Variants in CLOCK observed in about 807,000 individuals in gnomAD.
CLOCK encodes circadian locomoter output cycles protein kaput.
In CLOCK, 43 loss-of-function variants were observed where a neutral mutation model predicts 118.4. The observed-to-expected ratio is 0.36, with a 90% CI of 0.28 to 0.47. The LOEUF (loss-of-function observed/expected upper bound fraction) is 0.47, where lower values mean the gene tolerates loss of function less well. Among genes scored for constraint, CLOCK ranks in the 20% least tolerant of loss-of-function variants. The pLI is 1.00. For missense variants in CLOCK, 846 were observed against 999.9 expected, an observed-to-expected ratio of 0.85 and a Z score of 2.08; for synonymous variants, 326 against 339.2, an observed-to-expected ratio of 0.96 and a Z score of 0.43.
At chr4:55,487,476 A>C (rs1352869693) in intron 3 of CLOCK, among the ~76,000 whole-genome samples, 1 of 152,044 alleles carries the variant, frequency 6.6e-6, no homozygotes, top group African/African-American at 2.4e-5. Flanking sequence ...TATCTTCTCA[A>C]CTCTTGCCTG....
At chr4:55,470,919 T>A in intron 7 of CLOCK, 113 bp from the exon 8 acceptor site, 2 of 733,144 alleles carry the variant, frequency 2.7e-6, no homozygotes, top group Non-Finnish European at 4.7e-6. Context: ...TCCAAAGTTC[T>A]GTCAAAATAT....
intron 8 of CLOCK, among the ~76,000 whole-genome samples, chr4:55,468,231 A>G (rs1231899195): frequency 6.6e-6 from 1 of 152,164 alleles, no homozygotes; most frequent in Non-Finnish European, 1.5e-5. Flanking sequence ...AAGCATTAGC[A>G]TTAAAGGTGT....
rs1042373521 is a variant in CLOCK at position 55,465,974 on chromosome 4, G to C, written c.439-2169C>G. Among the ~76,000 whole-genome samples, 4 of 118,416 alleles carry C rather than the reference G, an allele frequency of 3.4e-5. No individual in the cohort carries two copies. The Admixed American group carries it at 3.4e-4, about 10-fold the overall frequency. 77.7% of individuals were successfully genotyped at this position (118,416 alleles called of 152,430 possible). A position where few individuals can be genotyped will look rare whatever the true frequency, so the allele number is the denominator to read the frequency against. On this transcript the variant is annotated intron_variant, in intron 8 of 22. Coordinates refer to ENST00000513440, the MANE Select transcript of CLOCK (RefSeq NM_004898.4). ...CTCAAAAAATAATAACAATAAATAG[G>C]CCTGAATAACACAAATGCTAGAAAG...
At chr4:55,517,495 G>A (rs1729590881) in intron 1 of CLOCK, among the ~76,000 whole-genome samples, 1 of 152,170 alleles carries the variant, frequency 6.6e-6, no homozygotes, top group African/African-American at 2.4e-5. Flanking sequence ...GGGCAACAGA[G>A]CCAGACTCTG....
chr4:55,463,827 G>A, intron 8 of CLOCK, 22 bp from the exon 9 acceptor site: 1 of 1,594,862 alleles, frequency 6.3e-7, no homozygotes, highest in Non-Finnish European at 8.6e-7. Flanking sequence ...ATTGTTAAAA[G>A]TAAAATAACT....
chr4:55,523,500 T>C (rs1323957219), intron 1 of CLOCK, among the ~76,000 whole-genome samples: 3 of 152,084 alleles, frequency 2.0e-5, no homozygotes, highest in African/African-American at 4.8e-5. Flanking sequence ...ATAAAAAAAA[T>C]TGACACTGAA....
intron 19 of CLOCK, 36 bp from the exon 20 acceptor site, chr4:55,443,932 TAGATTGA>T (rs1233713137): frequency 1.3e-6 from 2 of 1,580,206 alleles, no homozygotes; most frequent in Admixed American, 3.4e-5. Context: ...ATGAGCTTTG[TAGATTGA>T]AAAGAAGAAT....
chr4:55,526,525 T>C (rs751649691), intron 1 of CLOCK, among the ~76,000 whole-genome samples: 2 of 152,116 alleles, frequency 1.3e-5, no homozygotes, highest in African/African-American at 4.8e-5. Flanking sequence ...TTCTCAACAG[T>C]AGCAATGTCA....
At chr4:55,494,160 A>AG (rs1269670853) in intron 2 of CLOCK, among the ~76,000 whole-genome samples, 1 of 152,120 alleles carries the variant, frequency 6.6e-6, no homozygotes, top group African/African-American at 2.4e-5. Context: ...CTGAAGGTGG[A>AG]GGGAGAGCAC....
chr4:55,524,246 A>AC (rs1560477099), intron 1 of CLOCK, among the ~76,000 whole-genome samples: 11 of 151,620 alleles, frequency 7.3e-5, no homozygotes, highest in East Asian at 2.0e-4. Context: ...CACACACACA[A>AC]AAAAAATTAG....
chr4:55,502,263 G>A (rs183410833), intron 2 of CLOCK, among the ~76,000 whole-genome samples: 295 of 152,236 alleles, frequency 1.9e-3, no homozygotes, highest in Non-Finnish European at 3.7e-3. Context: ...AAAGGATCAC[G>A]AAAGCCAAGG....
chr4:55,482,714 T>C, intron 4 of CLOCK, 25 bp downstream of exon 4: 1 of 1,528,926 alleles, frequency 6.5e-7, no homozygotes, highest in Non-Finnish European at 9.0e-7. Flanking sequence ...TATATATAAC[T>C]TAAAATAAGT....
chr4:55,504,869 T>C (rs559612412), intron 2 of CLOCK, among the ~76,000 whole-genome samples: 78 of 152,240 alleles, frequency 5.1e-4, no homozygotes, highest in African/African-American at 1.6e-3. Context: ...ACTTAAGTCA[T>C]AAACTTATTA....
At chr4:55,475,915 T>A in intron 7 of CLOCK, 48 bp downstream of exon 7, 1 of 1,357,476 alleles carries the variant, frequency 7.4e-7, no homozygotes, top group African/African-American at 1.4e-5. Flanking sequence ...ACCCTGTGAT[T>A]TCTTTTTTGA....
intron 1 of CLOCK, among the ~76,000 whole-genome samples, chr4:55,511,811 C>T (rs1374442770): frequency 6.6e-6 from 1 of 152,042 alleles, no homozygotes; most frequent in Admixed American, 6.6e-5. Context: ...TTTATTACCT[C>T]CATAATTTTG....
At chr4:55,483,839 T>C (rs984130190) in intron 3 of CLOCK, among the ~76,000 whole-genome samples, 1 of 152,158 alleles carries the variant, frequency 6.6e-6, no homozygotes, top group East Asian at 1.9e-4. Flanking sequence ...CATACCCAAA[T>C]TGAAGGAAGT....
chr4:55,456,103 A>C, intron 12 of CLOCK, 100 bp from the exon 13 acceptor site: 1 of 1,352,764 alleles, frequency 7.4e-7, no homozygotes, highest in Admixed American at 2.0e-5. Context: ...TTTTTCAAAA[A>C]ATGGGAACAG....
intron 11 of CLOCK, among the ~76,000 whole-genome samples, chr4:55,457,537 C>A (rs770059278): frequency 6.6e-6 from 1 of 152,182 alleles, no homozygotes; most frequent in Admixed American, 6.5e-5. Flanking sequence ...GACTTCCCTG[C>A]TAAAAAACCT....
chr4:55,444,684 T>C lies in CLOCK; in HGVS notation c.1641A>G (p.Glu547=). Residue 547 remains glutamate, a synonymous_variant, in exon 19 of 23, where the codon GAA becomes GAG. Transcript: ENST00000513440. ...IEANIHRQQE[E]LRKIQEQLQM... ...GAAGTTGTTCTTGAATTTTTCTTAG[T>C]TCTTCTTGTTGCCGATGAATATTTG... 6.2e-7 allele frequency: 1 copy of C among 1,614,152 alleles called. No homozygotes were observed. The highest frequency in any genetic ancestry group is 1.6e-4 in the Middle Eastern group (1 of 6,062).
Sources: gnomAD v4.1 joint callset for allele counts (sites outside exome capture counted in the v4.1 genomes callset) on GRCh38, gnomAD v4.1.1 for gene constraint, MANE v1.5 for transcripts, NCBI Gene and HGNC (gene_info 2026-07-23, HGNC 2026-07-21) for gene names.